SUFU: variants seen among roughly 807,000 people sequenced by gnomAD.
SUFU encodes the protein SUFU negative regulator of hedgehog signaling, also known as suppressor of fused homolog.
In SUFU, 7 loss-of-function variants were observed where a neutral mutation model predicts 58.9. The observed-to-expected ratio is 0.12, with a 90% CI of 0.07 to 0.22. The LOEUF is 0.22. SUFU is among the 10% of genes least tolerant of loss of function. SUFU has a pLI of 1.00. For missense variants in SUFU, 451 were observed against 641.3 expected (o/e 0.70, Z 3.20); for synonymous variants, 232 against 254.8 (o/e 0.91, Z 0.85).
chr10:102,519,013 C>T (rs1398053368), intron 2 of SUFU, among the ~76,000 whole-genome samples: 4 of 151,616 alleles, frequency 2.6e-5, no homozygotes, highest in African/African-American at 7.3e-5. Flanking sequence ...TGGTGGCAGG[C>T]GCCTGTAGTC....
intron 11 of SUFU, 82 bp downstream of exon 11, chr10:102,627,325 A>G (rs1365286366): frequency 1.6e-5 from 20 of 1,256,476 alleles, no homozygotes; most frequent in East Asian, 2.3e-5. Context: ...CTGTGCATGC[A>G]TGTGTGCGTG....
intron 3 of SUFU, 30 bp downstream of exon 3, chr10:102,550,136 G>A: frequency 6.2e-7 from 1 of 1,613,886 alleles, no homozygotes; most frequent in Non-Finnish European, 8.5e-7. Context: ...TGCTGTGCTG[G>A]TCCTTTTGCC....
chr10:102,526,856 T>TTTAA (rs1403581063), intron 2 of SUFU, among the ~76,000 whole-genome samples: 1 of 152,006 alleles, frequency 6.6e-6, no homozygotes, highest in African/African-American at 2.4e-5. Flanking sequence ...AGCACGGACC[T>TTTAA]CGAAGTGTTT....
chr10:102,551,032 C>T (rs1260063385), intron 3 of SUFU, among the ~76,000 whole-genome samples: 1 of 152,116 alleles, frequency 6.6e-6, no homozygotes, highest in Non-Finnish European at 1.5e-5. Flanking sequence ...CATGGGCCAC[C>T]GCGCCTGGCC....
intron 8 of SUFU, among the ~76,000 whole-genome samples, chr10:102,614,423 T>A (rs549018621): frequency 2.3e-4 from 34 of 149,818 alleles, no homozygotes; most frequent in Middle Eastern, 7.6e-3. Flanking sequence ...CTGGACATGA[T>A]GGCAGGTCCC....
At chr10:102,611,728 T>C (rs2063625856) in intron 8 of SUFU, among the ~76,000 whole-genome samples, 1 of 152,236 alleles carries the variant, frequency 6.6e-6, no homozygotes, top group South Asian at 2.1e-4. Flanking sequence ...TCCCATTTAG[T>C]CATAATGACC....
intron 2 of SUFU, among the ~76,000 whole-genome samples, chr10:102,541,383 T>C (rs2062797243): frequency 6.8e-6 from 1 of 147,898 alleles, no homozygotes; most frequent in Admixed American, 6.8e-5. Flanking sequence ...ATTTTCCTAC[T>C]TTTCTTTCTT....
chr10:102,576,551 TC>T (rs2063214054), intron 3 of SUFU, among the ~76,000 whole-genome samples: 1 of 152,216 alleles, frequency 6.6e-6, no homozygotes, highest in African/African-American at 2.4e-5. Flanking sequence ...GCAGTGACCA[TC>T]CTTATTCATT....
At chr10:102,567,321 C>A (rs1590037300) in intron 3 of SUFU, among the ~76,000 whole-genome samples, 1 of 151,270 alleles carries the variant, frequency 6.6e-6, no homozygotes, top group East Asian at 1.9e-4. Flanking sequence ...CAAAACCTGT[C>A]AAGAAAAAAA....
At chr10:102,527,839 G>A (rs1342944467) in intron 2 of SUFU, among the ~76,000 whole-genome samples, 2 of 152,196 alleles carry the variant, frequency 1.3e-5, no homozygotes, top group Non-Finnish European at 2.9e-5. Context: ...AGTTCTGGAG[G>A]AGAGTGGGTG....
chr10:102,566,825 G>T lies in SUFU; in HGVS notation c.454+16719G>T, dbSNP rs111239920. Among the ~76,000 whole-genome samples, 1,004 of 138,998 alleles carry T rather than the reference G, an allele frequency of 7.2e-3. 6 individuals carry two copies. The highest frequency in any genetic ancestry group is 0.012 in the Middle Eastern group (3 of 252). 91.2% of individuals were successfully genotyped at this position (138,998 alleles called of 152,430 possible). ...GGGCATGGTGGTGGGCACCTGTATA[G>T]TCCCAGCTACTCAGGAGGCTGAGGC... is the stretch of plus-strand genomic sequence containing the variant. On this transcript the variant is annotated intron_variant, in intron 3 of 11. Coordinates refer to ENST00000369902, the MANE Select transcript of SUFU (RefSeq NM_016169.4).
intron 2 of SUFU, among the ~76,000 whole-genome samples, chr10:102,522,757 G>A (rs192294970): frequency 2.0e-5 from 3 of 152,256 alleles, no homozygotes; most frequent in Non-Finnish European, 4.4e-5. Context: ...AGCGTTGATC[G>A]CTGTCCTCTC....
At chr10:102,580,224 G>A (rs1201693145) in intron 3 of SUFU, among the ~76,000 whole-genome samples, 2 of 152,134 alleles carry the variant, frequency 1.3e-5, no homozygotes, top group Non-Finnish European at 2.9e-5. Flanking sequence ...GCAGGGGTGC[G>A]AAATTCTGTT....
chr10:102,521,459 C>T (rs945581342), intron 2 of SUFU, among the ~76,000 whole-genome samples: 2 of 152,168 alleles, frequency 1.3e-5, no homozygotes, highest in Non-Finnish European at 2.9e-5. Flanking sequence ...CTGGGCCTAC[C>T]TCTGAATTCC....
intron 3 of SUFU, among the ~76,000 whole-genome samples, chr10:102,586,025 C>T (rs2063332518): frequency 6.6e-6 from 1 of 151,670 alleles, no homozygotes; most frequent in Admixed American, 6.6e-5. Flanking sequence ...GCTGGGATTA[C>T]AGGCTCATGC....
chr10:102,509,498 C>T (rs1462377110), intron 2 of SUFU, among the ~76,000 whole-genome samples, 195 bp downstream of exon 2: 1 of 152,150 alleles, frequency 6.6e-6, no homozygotes, highest in Admixed American at 6.5e-5. Flanking sequence ...GCAGGAAAGT[C>T]TTGATGAGCA....
In SUFU at chr10:102,592,514, T is replaced by A. The variant is rs574530904; in HGVS notation, c.455-68T>A. 1.3e-4 allele frequency: 207 copies of A among 1,591,524 alleles called. 4 individuals carry two copies. In the South Asian group the frequency reaches 2.0e-3, roughly 16 times the overall value. ...AGCCTCCCAGCCTGGGCTAGTGAGA[T>A]CCCAGCCCAGATTCCAGGCCTGGAT... On this transcript the variant is annotated intron_variant, in intron 3 of 11. Coordinates refer to ENST00000369902, the MANE Select transcript of SUFU (RefSeq NM_016169.4).
chr10:102,591,318 G>A (rs533657847), intron 3 of SUFU, among the ~76,000 whole-genome samples: 2 of 152,122 alleles, frequency 1.3e-5, no homozygotes, highest in South Asian at 4.1e-4. Context: ...GGCTAACACC[G>A]TGAAATCCCA....
chr10:102,589,399 G>A (rs1359453964), intron 3 of SUFU, among the ~76,000 whole-genome samples: 1 of 138,578 alleles, frequency 7.2e-6, no homozygotes, highest in Non-Finnish European at 1.6e-5. Flanking sequence ...AATAGAGGCA[G>A]TTTTACTTCT....
Sources: allele counts gnomAD v4.1 joint callset (sites outside exome capture counted in the v4.1 genomes callset), GRCh38; gene constraint gnomAD v4.1.1; transcripts MANE v1.5; gene names NCBI Gene and HGNC (gene_info 2026-07-23, HGNC 2026-07-21).